The following EARS2 variants were observed in gnomAD, a reference collection of about 807,000 sequenced individuals.
EARS2 encodes nondiscriminating glutamyl-tRNA synthetase EARS2, mitochondrial.
A neutral mutation model predicts 54.1 loss-of-function variants in EARS2; 50 were observed. The ratio of observed to expected loss-of-function variants is 0.92; its 90% CI spans 0.74 to 1.17. The LOEUF (loss-of-function observed/expected upper bound fraction) is 1.17. EARS2 is among the 50% of genes most tolerant of loss of function. The probability of loss-of-function intolerance (pLI) is 0.00; values close to 1 mark genes in which losing one functional copy is unlikely to be tolerated. For synonymous variants in EARS2, 298 were observed against 281.0 expected (o/e 1.06, Z -0.61); for missense variants, 673 against 675.0 (o/e 1.00, Z 0.03).
intron 5 of EARS2, 118 bp from the exon 6 acceptor site, chr16:23,530,015 C>G: frequency 8.2e-7 from 1 of 1,218,344 alleles, no homozygotes; most frequent in Non-Finnish European, 1.1e-6. Flanking sequence ...TGAGCCCTCC[C>G]TTTCGCAAGC....
intron 3 of EARS2, among the ~76,000 whole-genome samples, chr16:23,540,979 A>G (rs549331334): frequency 6.6e-6 from 1 of 152,096 alleles, no homozygotes; most frequent in South Asian, 2.1e-4. Flanking sequence ...CAACAGAGCA[A>G]GACTCCGTCT....
chr16:23,539,658 A>G (rs1161167522), intron 3 of EARS2, among the ~76,000 whole-genome samples: 1 of 152,214 alleles, frequency 6.6e-6, no homozygotes, highest in Non-Finnish European at 1.5e-5. Context: ...CTTAAAATAA[A>G]TAAATAAATA....
At chr16:23,533,588 GA>G (rs1464221816) in intron 4 of EARS2, among the ~76,000 whole-genome samples, 10 of 152,010 alleles carry the variant, frequency 6.6e-5, no homozygotes, top group African/African-American at 1.7e-4. Flanking sequence ...CATCATTAAA[GA>G]AAAAAAGGTC....
rs779972107 is a variant in EARS2 at position 23,552,247 on chromosome 16, T to A, written c.197A>T (p.Lys66Met). The A allele has an allele frequency of 1.7e-5, 27 of 1,614,198 alleles. No individual in the cohort carries two copies. The highest frequency in any genetic ancestry group is 2.2e-5 in the Non-Finnish European group (26 of 1,180,024). ...CCTCAGGATGAAGCTCCCCTGGTAC[T>A]TCTTAGCAAAGATGTAGTTGTACAA... ...TALYNYIFAK[K>M]YQGSFILRLE... Residue 66 changes from lysine (K) to methionine (M), a missense_variant, in exon 2 of 9, where the codon AAG (lysine) becomes ATG (methionine). Physicochemically the swap from Lys to Met is moderately conservative, Grantham distance 95. Coordinates refer to ENST00000449606, the MANE Select transcript of EARS2 (RefSeq NM_001083614.2).
At chr16:23,530,539 C>T (rs1305008081) in intron 5 of EARS2, among the ~76,000 whole-genome samples, 4 of 152,010 alleles carry the variant, frequency 2.6e-5, no homozygotes, top group African/African-American at 4.8e-5. Context: ...CTGCAACCTC[C>T]GCTTCCCAGG....
intron 3 of EARS2, 38 bp downstream of exon 3, chr16:23,544,476 A>G (rs765011124): frequency 1.0e-5 from 16 of 1,592,006 alleles, no homozygotes; most frequent in African/African-American, 8.1e-5. Context: ...AACACACCCA[A>G]TGTTGATGAG....
intron 2 of EARS2, among the ~76,000 whole-genome samples, chr16:23,547,744 C>G (rs1390321852): frequency 1.3e-5 from 2 of 152,002 alleles, no homozygotes; most frequent in African/African-American, 4.8e-5. Flanking sequence ...ACTTTGTGAT[C>G]CGCCTGCCCA....
At position 23,534,916 on chromosome 16, in the gene EARS2, G is replaced by A; in HGVS notation, c.930C>T (p.Ile310=). The A allele has an allele frequency of 6.3e-7, 1 of 1,589,532 alleles. No individual in the cohort carries two copies. The highest frequency in any genetic ancestry group is 8.6e-7 in the Non-Finnish European group (1 of 1,165,250). Residue 310 remains isoleucine (I), a synonymous_variant, in exon 4 of 9, where the codon ATC becomes ATT. Coordinates refer to ENST00000449606, the MANE Select transcript of EARS2 (RefSeq NM_001083614.2). ...CAAAACCTGAGCCACAGTTGGTGATGATGTCCAACAAGGAATCGGGCAGGA... is the reference window on the plus strand; with the variant it reads ...CAAAACCTGAGCCACAGTTGGTGATAATGTCCAACAAGGAATCGGGCAGGA... The part of the protein sequence containing the change: ...DGFLPDSLLD[I]ITNCGSGFAE...
At position 23,521,757 on chromosome 16, in the gene EARS2, A is replaced by G. The variant is rs1382057101; in HGVS notation, c.*2614T>C. On this transcript the variant is annotated 3_prime_UTR_variant, in exon 9 of 9. Coordinates refer to ENST00000449606, the MANE Select transcript of EARS2 (RefSeq NM_001083614.2). ...GTTGTAGATATACCAGAATCGACTT[A>G]GTATTTTGACCACTCACTTTGTTAA... is the stretch of plus-strand genomic sequence containing the variant. The G allele has an allele frequency of 4.4e-6, 2 of 449,732 alleles. No homozygotes were observed. The highest frequency in any genetic ancestry group is 3.1e-5 in the South Asian group (2 of 64,404). The allele number at this position is 449,732 out of a possible 1,614,324, so 27.9% of individuals were successfully genotyped here.
chr16:23,552,123 A>G, intron 2 of EARS2, 26 bp downstream of exon 2: 1 of 1,607,042 alleles, frequency 6.2e-7, no homozygotes, highest in Non-Finnish European at 8.5e-7. Context: ...TTCCCTGCAG[A>G]AAGATCCTTT....
chr16:23,532,423 A>C (rs546414404), intron 5 of EARS2: 107 of 380,864 alleles, frequency 2.8e-4, no homozygotes, highest in African/African-American at 2.1e-3. Flanking sequence ...AGGGCTATAC[A>C]AGATATTTTC....
chr16:23,534,863 C>A, intron 4 of EARS2, 25 bp downstream of exon 4: 3 of 1,536,720 alleles, frequency 2.0e-6, no homozygotes, highest in Non-Finnish European at 2.6e-6. Context: ...TCTCTGCTGC[C>A]AGGACTATTC....
intron 5 of EARS2, among the ~76,000 whole-genome samples, chr16:23,530,578 G>C (rs1288451449): frequency 6.6e-6 from 1 of 151,926 alleles, no homozygotes; most frequent in Non-Finnish European, 1.5e-5. Context: ...TGCTGGACCT[G>C]GAGAAGCTTT....
At chr16:23,540,177 C>G (rs549538087) in intron 3 of EARS2, among the ~76,000 whole-genome samples, 2 of 152,062 alleles carry the variant, frequency 1.3e-5, no homozygotes, top group Non-Finnish European at 1.5e-5. Flanking sequence ...ACATAACACT[C>G]TGTGTGTGGT....
intron 2 of EARS2, chr16:23,550,780 T>A (rs1279249295): frequency 6.6e-6 from 1 of 152,176 alleles, no homozygotes. Flanking sequence ...AGTGAGTAAT[T>A]TACCTGAGAT....
intron 3 of EARS2, among the ~76,000 whole-genome samples, chr16:23,541,555 A>G (rs1965512099): frequency 6.6e-6 from 1 of 152,226 alleles, no homozygotes. Flanking sequence ...AGAGAAAATA[A>G]TATGTACTTA....
chr16:23,535,292 G>A lies in EARS2; in HGVS notation c.554C>T (p.Pro185Leu). Residue 185 changes from proline (P) to leucine (L), a missense_variant, in exon 4 of 9, where the codon CCT becomes CTT. This residue lies in a region of EARS2 where 316 missense variants were observed against 275.2 expected (regional missense o/e 1.15). Transcript: ENST00000449606. The stretch of plus-strand genomic sequence containing the variant: ...CTGCTCCAGGCGGAAGCGGATCGCA[G>A]GCTTGGGGTCCTTGGCCAGCTTCTG... ...VAQKLAKDPK[P>L]AIRFRLEQVV... The A allele has an allele frequency of 1.2e-6, 2 of 1,605,984 alleles. No homozygotes were observed. The highest frequency in any genetic ancestry group is 1.7e-6 in the Non-Finnish European group (2 of 1,179,976).
intron 3 of EARS2, chr16:23,535,578 C>T: frequency 1.7e-6 from 1 of 587,466 alleles, no homozygotes; most frequent in Non-Finnish European, 3.0e-6. Flanking sequence ...TTCCACGCTT[C>T]TTCCTTGCTA....
At chr16:23,540,010 C>T (rs1001440712) in intron 3 of EARS2, among the ~76,000 whole-genome samples, 1 of 152,048 alleles carries the variant, frequency 6.6e-6, no homozygotes, top group Admixed American at 6.6e-5. Context: ...AAAAATTTGC[C>T]GGGCATGGCG....
Sources: gnomAD v4.1 joint callset for allele counts (sites outside exome capture counted in the v4.1 genomes callset) on GRCh38, gnomAD v4.1.1 for gene constraint, gnomAD v4.1.1 regional missense constraint, MANE v1.5 for transcripts, NCBI Gene and HGNC (gene_info 2026-07-23, HGNC 2026-07-21) for gene names.